The following MMD2 variants were observed in gnomAD, a reference collection of about 807,000 sequenced individuals.
The protein encoded by MMD2 is monocyte to macrophage differentiation factor 2.
MMD2 carries 30 observed loss-of-function variants against 33.5 expected under a neutral mutation model. That is an observed-to-expected ratio of 0.90 (90% CI 0.67 to 1.22). MMD2 has a LOEUF of 1.22. Among genes scored for constraint, MMD2 ranks in the 50% most tolerant of loss-of-function variants. The pLI is 0.00. For missense variants in MMD2, 364 were observed against 325.4 expected, an observed-to-expected ratio of 1.12 and a Z score of -0.91; for synonymous variants, 129 against 123.0, an observed-to-expected ratio of 1.05 and a Z score of -0.32.
chr7:4,920,777 G>C (rs2115104246), intron 2 of MMD2, among the ~76,000 whole-genome samples: 1 of 129,574 alleles, frequency 7.7e-6, no homozygotes, highest in South Asian at 2.7e-4. Context: ...GAGTGCAGTG[G>C]TGCAATCGCA....
intron 6 of MMD2, 102 bp from the exon 7 acceptor site, chr7:4,907,701 G>A: frequency 8.9e-7 from 1 of 1,128,834 alleles, no homozygotes; most frequent in Non-Finnish European, 1.3e-6. Flanking sequence ...ACATGCAGAT[G>A]GCAAACCAGC....
At chr7:4,932,998 T>C (rs1482333170) in intron 1 of MMD2, among the ~76,000 whole-genome samples, 2 of 151,964 alleles carry the variant, frequency 1.3e-5, no homozygotes, top group African/African-American at 4.8e-5. Context: ...TTTTTTTATG[T>C]TTAAAGAGAA....
In MMD2 at chr7:4,920,248, G is replaced by C; in HGVS notation, c.213C>G (p.Ile71Met). ...DDDWETISAW[I>M]YGLGLCGLFV... ...AGAGGCCGCAGAGGCCGAGGCCGTA[G>C]ATCCAGGCAGAGATGGTCTCCCAGT... Residue 71 changes from isoleucine to methionine, a missense_variant, in exon 3 of 7, where the codon ATC becomes ATG. Ile to Met is a conservative substitution (Grantham distance 10). Transcript: ENST00000401401. 1 of 1,600,922 alleles carries C rather than the reference G, an allele frequency of 6.2e-7. No homozygotes were observed. Among genetic ancestry groups the C allele is most frequent in the Non-Finnish European group, 8.5e-7 (1 of 1,174,370 alleles).
chr7:4,920,454 C>A, intron 2 of MMD2, 123 bp from the exon 3 acceptor site: 1 of 891,828 alleles, frequency 1.1e-6, no homozygotes, highest in Non-Finnish European at 1.7e-6. Context: ...GTGGTCAGTG[C>A]CACTGAAGAA....
At chr7:4,947,260 A>AG (rs1279270591) in intron 1 of MMD2, among the ~76,000 whole-genome samples, 3 of 152,118 alleles carry the variant, frequency 2.0e-5, no homozygotes, top group African/African-American at 7.2e-5. Context: ...ATGATTCTGC[A>AG]GGCTGTACAG....
At chr7:4,893,259 A>G in the MMD2 span, among the ~76,000 whole-genome samples, 2 of 152,140 alleles carry the variant, frequency 1.3e-5, no homozygotes, top group African/African-American at 4.8e-5. Context: ...GAGAGCCCAC[A>G]GAGTAAAGTG....
chr7:4,936,126 T>C (rs1330585621), intron 1 of MMD2, among the ~76,000 whole-genome samples: 1 of 147,390 alleles, frequency 6.8e-6, no homozygotes, highest in Admixed American at 6.9e-5. Context: ...CAGAGGTTCC[T>C]ATGAGCTGAG....
In MMD2 at chr7:4,920,291, T is replaced by C; in HGVS notation, c.170A>G (p.Tyr57Cys). The C allele has an allele frequency of 6.2e-7, 1 of 1,609,130 alleles. No homozygotes were observed. Among genetic ancestry groups the C allele is most frequent in the East Asian group, 2.2e-5 (1 of 44,734 alleles). ...IPSILGSSNL[Y>C]FLSDDDWETI... ...CTCCCAGTCATCGTCCGACAGGAAGTAGAGGTTGGAGCTGCCCAGGATGCT... is the reference window on the plus strand; with the variant it reads ...CTCCCAGTCATCGTCCGACAGGAAGCAGAGGTTGGAGCTGCCCAGGATGCT... The change falls in exon 3 of 7, where the codon TAC becomes TGC. Residue 57 changes from tyrosine to cysteine, a missense_variant. Tyr to Cys is a radical substitution (Grantham distance 194). Transcript: ENST00000401401.
At chr7:4,945,185 T>TCCTTCTTCTTCTTCTTCTTCTTCTTC (rs1786024637) in intron 1 of MMD2, among the ~76,000 whole-genome samples, 1 of 93,480 alleles carries the variant, frequency 1.1e-5, no homozygotes, top group African/African-American at 4.0e-5. Context: ...CCTCTTCCTC[T>TCCTTCTTCTTCTTCTTCTTCTTCTTC]TTCTTCTTCT....
rs1786078989 is a variant in MMD2, at chr7:4,946,169, A to G, written c.47+12802T>C. On this transcript the variant is annotated intron_variant, in intron 1 of 6. Transcript: ENST00000401401. This position sits in a 1 kb window ranked among gnomAD's most constrained non-coding sequence, Gnocchi z 5.0. ...CACCCACACCCGCGCGCACACCTGC[A>G]CACATGCACACACACGCGCGCACAC... Among the ~76,000 whole-genome samples, 1 of 151,220 alleles carries G rather than the reference A, an allele frequency of 6.6e-6. No homozygotes were observed. Among genetic ancestry groups the G allele is most frequent in the African/African-American group, 2.4e-5 (1 of 41,126 alleles).
Position 4,906,685 on chromosome 7 carries a change from C to T in MMD2, c.*711G>A, listed in dbSNP as rs1025237804. 5 of 397,234 alleles carry T rather than the reference C, an allele frequency of 1.3e-5. No homozygotes were observed. The highest frequency in any genetic ancestry group is 4.4e-5 in the Admixed American group (1 of 22,698). The allele number at this position is 397,234 out of a possible 1,614,324, so 24.6% of individuals were successfully genotyped here. A position where few individuals can be genotyped will look rare whatever the true frequency, so the allele number is the denominator to read the frequency against. ...CCCAAACTGCCTACTCCAGGAGTTT[C>T]CCAAAAGGGAGGGGGAGATGAGGAG... On this transcript the variant is annotated 3_prime_UTR_variant, in exon 7 of 7. Coordinates refer to ENST00000401401, the MANE Select transcript of MMD2 (RefSeq NM_198403.4).
intron 1 of MMD2, among the ~76,000 whole-genome samples, chr7:4,942,046 T>C (rs1422618441): frequency 6.6e-6 from 1 of 152,038 alleles, no homozygotes; most frequent in Non-Finnish European, 1.5e-5. Context: ...CTCCACCTCC[T>C]GGGTTCAAGT....
chr7:4,895,088 T>TTC, the MMD2 span, among the ~76,000 whole-genome samples: 1 of 150,948 alleles, frequency 6.6e-6, no homozygotes, highest in Non-Finnish European at 1.5e-5. Context: ...AAGTCTTTTT[T>TTC]TTTTTTCTGA....
At chr7:4,954,634 G>A (rs977921955) in intron 1 of MMD2, among the ~76,000 whole-genome samples, 6 of 152,002 alleles carry the variant, frequency 3.9e-5, no homozygotes, top group Non-Finnish European at 8.8e-5. Flanking sequence ...GCCCAAGCTG[G>A]TCTTGAACTC....
In MMD2 at chr7:4,940,204, C is replaced by A. The variant is rs969740544; in HGVS notation, c.48-14672G>T. Among the ~76,000 whole-genome samples the A allele has an allele frequency of 6.6e-6, 1 of 152,090 alleles. No individual in the cohort carries two copies. The highest frequency in any genetic ancestry group is 1.5e-5 in the Non-Finnish European group (1 of 68,006). ...GAGCATCCTGACCTGGGTGCAGGGT[C>A]CGGCACACCCCAGCTCCCCCGGCTC... On this transcript the variant is annotated intron_variant, in intron 1 of 6. Coordinates refer to ENST00000401401, the MANE Select transcript of MMD2 (RefSeq NM_198403.4). The surrounding 1 kb of genome is among the most constrained non-coding windows in gnomAD (Gnocchi z 5.0).
chr7:4,938,200 G>A (rs10277406), intron 1 of MMD2, among the ~76,000 whole-genome samples: 1 of 151,042 alleles, frequency 6.6e-6, no homozygotes, highest in African/African-American at 2.4e-5. Context: ...TAGTAGAGAC[G>A]GGGTTTTGCC....
At chr7:4,930,325 A>C (rs1785545358) in intron 1 of MMD2, among the ~76,000 whole-genome samples, 1 of 145,088 alleles carries the variant, frequency 6.9e-6, no homozygotes, top group Non-Finnish European at 1.5e-5. Flanking sequence ...GCCCCCATCC[A>C]ATATGAGTAG....
chr7:4,929,245 G>A (rs374312519), intron 1 of MMD2, among the ~76,000 whole-genome samples: 212 of 152,198 alleles, frequency 1.4e-3, no homozygotes, highest in African/African-American at 4.9e-3. Flanking sequence ...GAGCCCATTC[G>A]ACAGATGAGA....
chr7:4,947,427 T>C (rs2115153912), intron 1 of MMD2, among the ~76,000 whole-genome samples: 1 of 150,384 alleles, frequency 6.6e-6, no homozygotes. Flanking sequence ...AGGGTCTCGC[T>C]CTGTTGCACA....
Sources: allele counts gnomAD v4.1 joint callset (sites outside exome capture counted in the v4.1 genomes callset), GRCh38; gene constraint gnomAD v4.1.1; non-coding constraint Gnocchi (gnomAD v3.1); transcripts MANE v1.5; gene names NCBI Gene and HGNC (gene_info 2026-07-23, HGNC 2026-07-21).